The following CFAP95 variants were observed in gnomAD, a reference collection of about 807,000 sequenced individuals.
The protein encoded by CFAP95 is cilia and flagella associated protein 95.
At chr9:69,864,320 T>A in the CFAP95 span, among the ~76,000 whole-genome samples, 1 of 152,028 alleles carries the variant, frequency 6.6e-6, no homozygotes, top group African/African-American at 2.4e-5. Context: ...TGTATGTGCA[T>A]GTGTGTATAC....
At chr9:69,891,064 G>A in the CFAP95 span, among the ~76,000 whole-genome samples, 5,919 of 152,190 alleles carry the variant, frequency 0.039, 349 homozygotes, top group African/African-American at 0.13. Context: ...CCAGAACAGC[G>A]GAAAAGTTGG....
At chr9:69,827,517 CT>C in the CFAP95 span, among the ~76,000 whole-genome samples, 1 of 152,196 alleles carries the variant, frequency 6.6e-6, no homozygotes, top group Non-Finnish European at 1.5e-5. Context: ...TCTTTGAGTC[CT>C]TCCTCCTCCA....
the CFAP95 span, among the ~76,000 whole-genome samples, chr9:69,878,914 C>A: frequency 6.6e-6 from 1 of 152,134 alleles, no homozygotes; most frequent in East Asian, 1.9e-4. Flanking sequence ...GAAGGGGGAG[C>A]AGGCACATCG....
chr9:69,820,887 G>A, the CFAP95 span: 1 of 1,614,056 alleles, frequency 6.2e-7, no homozygotes, highest in Non-Finnish European at 8.5e-7. Flanking sequence ...CCCATGGATA[G>A]CCTTGACAGA....
At chr9:69,856,670 A>G in the CFAP95 span, 3 of 1,600,646 alleles carry the variant, frequency 1.9e-6, no homozygotes, top group Admixed American at 5.1e-5. Flanking sequence ...GGGATTATCG[A>G]AAGGTATTCT....
At chr9:69,832,742 C>T in the CFAP95 span, among the ~76,000 whole-genome samples, 1,366 of 138,256 alleles carry the variant, frequency 9.9e-3, 62 homozygotes, top group East Asian at 0.079. Flanking sequence ...ATGTGCAAAA[C>T]GTGCAGGTTT....
At chr9:69,861,671 T>C in the CFAP95 span, among the ~76,000 whole-genome samples, 7 of 150,068 alleles carry the variant, frequency 4.7e-5, no homozygotes, top group South Asian at 1.5e-3. Flanking sequence ...CAGTCTTCTC[T>C]TCAGTTCCCA....
chr9:69,882,918 A>G, the CFAP95 span, among the ~76,000 whole-genome samples: 183 of 151,946 alleles, frequency 1.2e-3, 1 homozygote, highest in African/African-American at 4.3e-3. Flanking sequence ...TCTTTTTTTG[A>G]TGTGTCTTTG....
chr9:69,899,873 G>A, the CFAP95 span, among the ~76,000 whole-genome samples: 3 of 152,196 alleles, frequency 2.0e-5, no homozygotes, highest in Non-Finnish European at 4.4e-5. Flanking sequence ...TCCACTGGGA[G>A]AGGACTCTTG....
chr9:69,851,807 G>T, the CFAP95 span, among the ~76,000 whole-genome samples: 1 of 151,618 alleles, frequency 6.6e-6, no homozygotes, highest in Non-Finnish European at 1.5e-5. Flanking sequence ...GTTTGAGGCT[G>T]CAGTGAGCTA....
At chr9:69,831,939 C>G in the CFAP95 span, among the ~76,000 whole-genome samples, 1 of 152,216 alleles carries the variant, frequency 6.6e-6, no homozygotes, top group African/African-American at 2.4e-5. Flanking sequence ...CTATATGAAG[C>G]CTAATTTACA....
the CFAP95 span, among the ~76,000 whole-genome samples, chr9:69,826,343 A>G: frequency 1.3e-5 from 2 of 152,222 alleles, no homozygotes; most frequent in African/African-American, 4.8e-5. Flanking sequence ...TTCTTCCTGT[A>G]TTTAATCAAT....
the CFAP95 span, among the ~76,000 whole-genome samples, chr9:69,826,500 A>G: frequency 6.6e-6 from 1 of 152,176 alleles, no homozygotes; most frequent in Admixed American, 6.5e-5. Context: ...AAAGCAAAGA[A>G]AAAAAAGTAA....
the CFAP95 span, among the ~76,000 whole-genome samples, chr9:69,827,684 T>C: frequency 1.8e-4 from 27 of 152,320 alleles, no homozygotes; most frequent in Non-Finnish European, 3.7e-4. Flanking sequence ...CTGCTGCTGC[T>C]GAATTTGTGG....
chr9:69,902,173 A>T, the CFAP95 span: 3 of 352,504 alleles, frequency 8.5e-6, no homozygotes, highest in Non-Finnish European at 1.7e-5. Flanking sequence ...AAGCCCAGGG[A>T]TGGGAAAATT....
chr9:69,870,488 T>G, the CFAP95 span, among the ~76,000 whole-genome samples: 13 of 152,254 alleles, frequency 8.5e-5, no homozygotes, highest in African/African-American at 3.1e-4. Flanking sequence ...TTTGTGTTTC[T>G]TCTTTACAAG....
At chr9:69,858,327 C>T in the CFAP95 span, 20 of 265,376 alleles carry the variant, frequency 7.5e-5, no homozygotes, top group South Asian at 5.0e-5. Flanking sequence ...TGTGTACAAT[C>T]CCAACTGAGG....
At chr9:69,887,898 G>A in the CFAP95 span, among the ~76,000 whole-genome samples, 1 of 152,240 alleles carries the variant, frequency 6.6e-6, no homozygotes, top group Non-Finnish European at 1.5e-5. Context: ...GAGTGAGGAA[G>A]CCATCGTGGA....
At chr9:69,871,680 G>A in the CFAP95 span, among the ~76,000 whole-genome samples, 3 of 152,110 alleles carry the variant, frequency 2.0e-5, no homozygotes, top group African/African-American at 7.2e-5. Flanking sequence ...GCAATTGGAG[G>A]GTGATGGGGC....
Sources: allele counts gnomAD v4.1 joint callset (sites outside exome capture counted in the v4.1 genomes callset), GRCh38; gene constraint gnomAD v4.1.1; transcripts MANE v1.5; gene names NCBI Gene and HGNC (gene_info 2026-07-23, HGNC 2026-07-21).